The following ZNF536 variants were observed in gnomAD, a reference collection of about 807,000 sequenced individuals.
ZNF536 encodes zinc finger protein 536.
ZNF536 carries 13 observed loss-of-function variants against 84.5 expected under a neutral mutation model. The observed-to-expected ratio is 0.15, with a 90% CI of 0.10 to 0.24. The LOEUF (loss-of-function observed/expected upper bound fraction) is 0.24. Among genes scored for constraint, ZNF536 ranks in the 10% least tolerant of loss-of-function variants. The probability of loss-of-function intolerance (pLI) is 1.00; values close to 1 mark genes in which losing one functional copy is unlikely to be tolerated. For synonymous variants in ZNF536, 811 were observed against 742.5 expected (o/e 1.09, Z -1.50); for missense variants, 1,536 against 1,747.5 (o/e 0.88, Z 2.16).
chr19:30,254,687 C>A (rs565027705), intron 1 of ZNF536, among the ~76,000 whole-genome samples: 1 of 151,756 alleles, frequency 6.6e-6, no homozygotes, highest in African/African-American at 2.4e-5. Context: ...AGTCGGTAGT[C>A]CAACTGTGCA....
rs138082846 is a variant in ZNF536 at position 30,408,249 on chromosome 19, G to T, written c.-2-35312G>T. 3.7e-3 allele frequency among the ~76,000 whole-genome samples: 559 copies of T among 152,282 alleles called. 8 individuals carry two copies. The highest frequency in any genetic ancestry group is 0.013 in the African/African-American group (536 of 41,550). On this transcript the variant is annotated intron_variant, in intron 1 of 4. Coordinates refer to ENST00000355537, the MANE Select transcript of ZNF536 (RefSeq NM_014717.3). ...ATTATAGACCATGGGGAGAAGGGTG[G>T]AAATCTGGGTGTTGCATTCTAGTAA...
chr19:30,305,768 G>A (rs1353583319), intron 2 of ZNF536, among the ~76,000 whole-genome samples: 9 of 152,222 alleles, frequency 5.9e-5, no homozygotes, highest in Non-Finnish European at 2.9e-5. Flanking sequence ...GGGGACCAAG[G>A]CAGGGATTGG....
chr19:30,633,152 GA>G (rs1343678445), intron 1 of ZNF536, among the ~76,000 whole-genome samples: 1 of 152,216 alleles, frequency 6.6e-6, no homozygotes, highest in African/African-American at 2.4e-5. Flanking sequence ...ATACTGGAAT[GA>G]AAGCTAAGGT....
intron 1 of ZNF536, among the ~76,000 whole-genome samples, chr19:30,703,641 G>A (rs1171503093): frequency 6.6e-6 from 1 of 152,214 alleles, no homozygotes; most frequent in African/African-American, 2.4e-5. Flanking sequence ...GCACAGGACA[G>A]TGGCACAGGA....
chr19:30,292,048 C>A (rs1412937222), intron 2 of ZNF536, among the ~76,000 whole-genome samples: 2 of 152,280 alleles, frequency 1.3e-5, no homozygotes, highest in East Asian at 3.9e-4. Flanking sequence ...GTGTGGCCCG[C>A]AAAGCCTAAA....
At chr19:30,482,736 G>A (rs922724053) in intron 2 of ZNF536, among the ~76,000 whole-genome samples, 5 of 152,126 alleles carry the variant, frequency 3.3e-5, no homozygotes, top group Admixed American at 1.3e-4. Flanking sequence ...CTGATGCCTC[G>A]CTTTCCAGCC....
intron 3 of ZNF536, among the ~76,000 whole-genome samples, chr19:30,359,815 G>C (rs2048216413): frequency 6.6e-6 from 1 of 152,178 alleles, no homozygotes; most frequent in African/African-American, 2.4e-5. Flanking sequence ...TGGAGGTCCT[G>C]ATCCTTCACC....
At position 30,611,628 on chromosome 19, in the gene ZNF536, G is replaced by C. The variant is rs1413136645; in HGVS notation, c.169+62114G>C. Among the ~76,000 whole-genome samples the C allele has an allele frequency of 3.9e-5, 6 of 152,220 alleles. No homozygotes were observed. In the South Asian group the frequency reaches 1.2e-3, roughly 32 times the overall value. On this transcript the variant is annotated intron_variant, in intron 1 of 1. Transcript: ENST00000592773. ...CCTCTCTCTAAATTTGGGCAATCTGGGTAGGGAAGGTTTAGCTTTAGGGTT... is the reference window on the plus strand; with the variant it reads ...CCTCTCTCTAAATTTGGGCAATCTGCGTAGGGAAGGTTTAGCTTTAGGGTT...
At chr19:30,427,331 G>A (rs1226551290) in intron 1 of ZNF536, among the ~76,000 whole-genome samples, 1 of 152,232 alleles carries the variant, frequency 6.6e-6, no homozygotes, top group Non-Finnish European at 1.5e-5. Context: ...GGGGAAGAGT[G>A]ATAGGAAGAG....
intron 1 of ZNF536, among the ~76,000 whole-genome samples, chr19:30,267,518 TGTG>T (rs1301505733): frequency 6.6e-6 from 1 of 152,118 alleles, no homozygotes; most frequent in African/African-American, 2.4e-5. Flanking sequence ...GGTGGCTTAT[TGTG>T]GTGCTGAGCT....
rs1193738249 is a variant in ZNF536 at position 30,569,556 on chromosome 19, GT to G, written c.169+20044del. On this transcript the variant is annotated intron_variant, in intron 1 of 1. Transcript: ENST00000592773. ...GAGATGGAATCGAAGCCAGATAAAC[GT>G]TCTTTTTTTTTTTTTTTTTTTTTTT... Among the ~76,000 whole-genome samples the G allele has an allele frequency of 3.8e-3, 307 of 80,464 alleles. 11 individuals are homozygous for G. The highest frequency in any genetic ancestry group is 0.014 in the African/African-American group (290 of 20,628). 52.8% of individuals were successfully genotyped at this position (80,464 alleles called of 152,430 possible).
At chr19:30,392,610 T>A (rs762213799) in intron 1 of ZNF536, among the ~76,000 whole-genome samples, 2 of 152,210 alleles carry the variant, frequency 1.3e-5, no homozygotes, top group Admixed American at 6.5e-5. Flanking sequence ...CCATTTTTTC[T>A]AGGGTGTCTC....
Position 30,590,335 on chromosome 19 carries a change from G to A in ZNF536, c.169+40821G>A, listed in dbSNP as rs572346160. On this transcript the variant is annotated intron_variant, in intron 1 of 1. Transcript: ENST00000592773. ...AGGGGTAGCTTGGCAGCTGCCTTAT[G>A]GTCAAGCTTGTTCCTCCTGGGGCCT... 1.8e-4 allele frequency among the ~76,000 whole-genome samples: 27 copies of A among 152,288 alleles called. No individual in the cohort carries two copies. The East Asian group carries it at 4.8e-3, about 27-fold the overall frequency.
At chr19:30,387,509 C>T (rs573276030) in intron 1 of ZNF536, among the ~76,000 whole-genome samples, 14 of 152,314 alleles carry the variant, frequency 9.2e-5, no homozygotes, top group African/African-American at 1.4e-4. Context: ...CCACTTACCA[C>T]GAGCTTGGCT....
intron 2 of ZNF536, among the ~76,000 whole-genome samples, chr19:30,335,683 G>A (rs1435057880): frequency 2.0e-5 from 3 of 152,186 alleles, no homozygotes; most frequent in East Asian, 3.8e-4. Flanking sequence ...GAGAAGCTGC[G>A]AGTGCCACTT....
At chr19:30,504,745 C>T (rs1170423968) in intron 2 of ZNF536, among the ~76,000 whole-genome samples, 3 of 151,658 alleles carry the variant, frequency 2.0e-5, no homozygotes, top group Non-Finnish European at 2.9e-5. Flanking sequence ...CTGGGCTCCT[C>T]GGATTCAGGC....
chr19:30,247,844 A>G (rs903887340), intron 1 of ZNF536, among the ~76,000 whole-genome samples: 1 of 152,316 alleles, frequency 6.6e-6, no homozygotes, highest in East Asian at 1.9e-4. Context: ...CACTTACAGA[A>G]AATTATAAGT....
chr19:30,322,871 T>C (rs1005853060), intron 2 of ZNF536, among the ~76,000 whole-genome samples: 1 of 152,102 alleles, frequency 6.6e-6, no homozygotes, highest in Non-Finnish European at 1.5e-5. Flanking sequence ...TCATGTGACT[T>C]CCTGGATTCC....
chr19:30,516,070 A>C (rs1272979688), intron 2 of ZNF536, among the ~76,000 whole-genome samples: 15 of 151,984 alleles, frequency 9.9e-5, no homozygotes, highest in Admixed American at 9.8e-4. Context: ...GAAAGAAAAG[A>C]AAAAAGAATG....
Sources: gnomAD v4.1 joint callset for allele counts (sites outside exome capture counted in the v4.1 genomes callset) on GRCh38, gnomAD v4.1.1 for gene constraint, MANE v1.5 for transcripts, NCBI Gene and HGNC (gene_info 2026-07-23, HGNC 2026-07-21) for gene names.